Variants in TYRP1 observed in about 807,000 individuals in gnomAD.
TYRP1 encodes 5,6-dihydroxyindole-2-carboxylic acid oxidase.
Under a neutral mutation model 42.8 loss-of-function variants are expected in TYRP1, and 49 were observed. That is an observed-to-expected ratio of 1.14 (90% CI 0.91 to 1.45). The LOEUF (loss-of-function observed/expected upper bound fraction) is 1.45. Among genes scored for constraint, TYRP1 ranks in the 40% most tolerant of loss-of-function variants. The pLI is 0.00. For missense variants in TYRP1, 848 were observed against 662.0 expected (o/e 1.28, Z -3.08); for synonymous variants, 279 against 235.4 (o/e 1.19, Z -1.69).
At chr9:12,697,792 A>T (rs1228413081) in intron 3 of TYRP1, among the ~76,000 whole-genome samples, 1 of 152,166 alleles carries the variant, frequency 6.6e-6, no homozygotes, top group Non-Finnish European at 1.5e-5. Flanking sequence ...AATGGGCAGA[A>T]AGATTTACTC....
intron 6 of TYRP1, among the ~76,000 whole-genome samples, chr9:12,705,768 C>A (rs1586846347): frequency 6.6e-6 from 1 of 151,746 alleles, no homozygotes; most frequent in Admixed American, 6.6e-5. Context: ...AATCACTTGA[C>A]CCTAGGAGGT....
intron 5 of TYRP1, among the ~76,000 whole-genome samples, chr9:12,702,666 C>CTAAT (rs1563855252): frequency 1.3e-5 from 2 of 151,998 alleles, no homozygotes; most frequent in East Asian, 1.9e-4. Context: ...AAATCATGCT[C>CTAAT]TAATTTCTTA....
chr9:12,703,571 C>G lies in TYRP1; in HGVS notation c.1082-955C>G, dbSNP rs113928019. ...AATGTATAAAAAGACGAGTGTCAAG[C>G]CACGTTCCATATATATCACAGACAA... On this transcript the variant is annotated intron_variant, in intron 5 of 7. Coordinates refer to ENST00000388918, the MANE Select transcript of TYRP1 (RefSeq NM_000550.3). 3.9e-3 allele frequency among the ~76,000 whole-genome samples: 586 copies of G among 151,874 alleles called. 3 individuals carry two copies. Among genetic ancestry groups the G allele is most frequent in the African/African-American group, 0.013 (545 of 41,444 alleles).
rs376740467 is a variant in TYRP1, at chr9:12,702,267, G to T, written c.914-4G>T. On this transcript the variant is annotated splice_polypyrimidine_tract_variant and splice_region_variant and intron_variant, in intron 4 of 7. Coordinates refer to ENST00000388918, the MANE Select transcript of TYRP1 (RefSeq NM_000550.3). ...ATGTTTCCACATCCCATTTTTTTCT[G>T]CAGGCACCGAGGATGGGCCAATTAG... 1,021 of 1,611,306 alleles carry T rather than the reference G, an allele frequency of 6.3e-4. No individual in the cohort carries two copies. The highest frequency in any genetic ancestry group is 7.8e-4 in the Non-Finnish European group (925 of 1,178,902).
intron 6 of TYRP1, among the ~76,000 whole-genome samples, 199 bp downstream of exon 6, chr9:12,704,904 A>G (rs1375370966): frequency 6.6e-6 from 1 of 152,060 alleles, no homozygotes; most frequent in African/African-American, 2.4e-5. Flanking sequence ...TAGTTATTAT[A>G]GGATGATATT....
At chr9:12,701,811 G>T (rs567731253) in intron 4 of TYRP1, 1 of 135,808 alleles carries the variant, frequency 7.4e-6, no homozygotes, top group South Asian at 1.9e-4. Context: ...ACTTTCCAAA[G>T]AAATGTAAGG....
Position 12,698,492 on chromosome 9 carries a change from T to C in TYRP1, c.750T>C (p.Asn250=), listed in dbSNP as rs776296557. 3.7e-6 allele frequency: 6 copies of C among 1,613,784 alleles called. No homozygotes were observed. Among genetic ancestry groups the C allele is most frequent in the Admixed American group, 1.7e-5 (1 of 59,966 alleles). Reference sequence around the variant, plus strand: ...CTTCTTTCTCCCTTCCTTACTGGAATTTTGCAACGGGGAAAAATGTCTGTG... The same window carrying C: ...CTTCTTTCTCCCTTCCTTACTGGAACTTTGCAACGGGGAAAAATGTCTGTG... ...QEPSFSLPYW[N]FATGKNVCDI... Residue 250 remains asparagine (N), a synonymous_variant, in exon 4 of 8, where the codon AAT becomes AAC. Transcript: ENST00000388918.
Position 12,698,711 on chromosome 9 carries a change from A to C in TYRP1, c.913+56A>C. 4 of 1,530,648 alleles carry C rather than the reference A, an allele frequency of 2.6e-6. No homozygotes were observed. In the South Asian group the frequency reaches 4.5e-5, roughly 17 times the overall value. The allele number at this position is 1,530,648 out of a possible 1,614,324, so 94.8% of individuals were successfully genotyped here. On this transcript the variant is annotated intron_variant, in intron 4 of 7. Transcript: ENST00000388918. ...ATTTCTTTTTAGATAAAGAGATTAA[A>C]TATGTTGCCTGAAAGGCCCTTCATT...
chr9:12,700,691 T>C (rs1818152810), intron 4 of TYRP1: 1 of 152,094 alleles, frequency 6.6e-6, no homozygotes, highest in Non-Finnish European at 1.5e-5. Context: ...CAGCATTTTC[T>C]ACAATGGAAC....
At chr9:12,707,891 A>C (rs1818284405) in intron 6 of TYRP1, 106 bp from the exon 7 acceptor site, 5 of 1,125,264 alleles carry the variant, frequency 4.4e-6, no homozygotes, top group Non-Finnish European at 6.3e-6. Context: ...ATAAGAATAA[A>C]ATTTTTTCAG....
chr9:12,703,881 A>ATGTGTG (rs895369253), intron 5 of TYRP1, among the ~76,000 whole-genome samples: 137 of 41,640 alleles, frequency 3.3e-3, no homozygotes, highest in Non-Finnish European at 3.7e-3. Flanking sequence ...ATATATATAT[A>ATGTGTG]TATGTGTGTG....
chr9:12,700,116 A>C (rs1818142151), intron 4 of TYRP1: 1 of 152,090 alleles, frequency 6.6e-6, no homozygotes, highest in South Asian at 2.1e-4. Context: ...AAAAACTATC[A>C]TTTTATTGAA....
chr9:12,696,681 T>C (rs1818084434), intron 3 of TYRP1, among the ~76,000 whole-genome samples: 1 of 151,548 alleles, frequency 6.6e-6, no homozygotes, highest in Admixed American at 6.6e-5. Flanking sequence ...TTAAAGTATC[T>C]AGTTACGTAG....
chr9:12,695,485 T>A (rs779187270), intron 2 of TYRP1, 30 bp from the exon 3 acceptor site: 35 of 1,610,942 alleles, frequency 2.2e-5, no homozygotes, highest in Non-Finnish European at 2.9e-5. Context: ...AAGGCAGATG[T>A]TTTCATGCTT....
intron 3 of TYRP1, among the ~76,000 whole-genome samples, chr9:12,696,983 T>TAACA (rs1818089246): frequency 6.6e-6 from 1 of 152,176 alleles, no homozygotes; most frequent in South Asian, 2.1e-4. Context: ...ATTAATGCAC[T>TAACA]AACATACAGG....
chr9:12,696,619 A>G (rs1818083400), intron 3 of TYRP1, among the ~76,000 whole-genome samples: 1 of 152,146 alleles, frequency 6.6e-6, no homozygotes, highest in Non-Finnish European at 1.5e-5. Flanking sequence ...GTGAACCTCA[A>G]CTCAAGCAGT....
At chr9:12,698,343 T>C (rs533336725) in intron 3 of TYRP1, 108 bp from the exon 4 acceptor site, 1 of 1,090,156 alleles carries the variant, frequency 9.2e-7, no homozygotes, top group East Asian at 2.5e-5. Flanking sequence ...ACCAGTACCT[T>C]ATTGTCTGAA....
chr9:12,694,457 G>C (rs1818045241), intron 2 of TYRP1, 76 bp downstream of exon 2: 1 of 1,542,340 alleles, frequency 6.5e-7, no homozygotes. Context: ...AATCATTTGA[G>C]CTGGAGGAAT....
At chr9:12,695,342 C>G (rs960459034) in intron 2 of TYRP1, among the ~76,000 whole-genome samples, 173 bp from the exon 3 acceptor site, 2 of 152,076 alleles carry the variant, frequency 1.3e-5, no homozygotes, top group African/African-American at 4.8e-5. Flanking sequence ...AGAGAGAAAG[C>G]AGGCTTGAAG....
Sources: gnomAD v4.1 joint callset for allele counts (sites outside exome capture counted in the v4.1 genomes callset) on GRCh38, gnomAD v4.1.1 for gene constraint, MANE v1.5 for transcripts, NCBI Gene and HGNC (gene_info 2026-07-23, HGNC 2026-07-21) for gene names.